CPED1: variants seen among roughly 807,000 people sequenced by gnomAD.
CPED1 encodes cadherin like and PC-esterase domain containing 1.
CPED1 carries 114 observed loss-of-function variants against 128.2 expected under a neutral mutation model. The ratio of observed to expected loss-of-function variants is 0.89; its 90% CI spans 0.76 to 1.04. The LOEUF is 1.04. CPED1 is among the 50% of genes least tolerant of loss of function. The probability of loss-of-function intolerance (pLI) is 0.00; values close to 1 mark genes in which losing one functional copy is unlikely to be tolerated. For synonymous variants in CPED1, 462 were observed against 426.7 expected, an observed-to-expected ratio of 1.08 and a Z score of -1.02; for missense variants, 1,211 against 1,207.1, an observed-to-expected ratio of 1.00 and a Z score of -0.05.
chr7:121,207,713 G>T (rs1474798216), intron 16 of CPED1, among the ~76,000 whole-genome samples: 2 of 151,988 alleles, frequency 1.3e-5, no homozygotes, highest in Non-Finnish European at 2.9e-5. Context: ...GGTTTTTGAG[G>T]TCTTGGGGAA....
At chr7:121,089,667 A>G (rs933795040) in intron 5 of CPED1, among the ~76,000 whole-genome samples, 3 of 152,218 alleles carry the variant, frequency 2.0e-5, no homozygotes, top group African/African-American at 2.4e-5. Context: ...TTCCTGAGAA[A>G]AAAGTTTACT....
chr7:121,281,735 A>G (rs1792469097), intron 22 of CPED1, among the ~76,000 whole-genome samples: 4 of 152,148 alleles, frequency 2.6e-5, no homozygotes, highest in Admixed American at 2.6e-4. Context: ...TATTTAAAAT[A>G]TTTGTCTTTG....
chr7:121,227,162 G>C (rs964398337), intron 16 of CPED1, among the ~76,000 whole-genome samples: 1 of 152,014 alleles, frequency 6.6e-6, no homozygotes, highest in Non-Finnish European at 1.5e-5. Context: ...GGAACCCAGC[G>C]TTGGCCATAT....
Position 121,266,415 on chromosome 7 carries a change from A to C in CPED1, c.2499A>C (p.Thr833=). Residue 833 remains threonine, a synonymous_variant, in exon 19 of 23, where the codon ACA becomes ACC. Transcript: ENST00000310396. ...GGATAAGCCCTTCATTGAGACCAAC[A>C]TTTGAAAATGCACTTGAACACCTCT... ...QFWISPSLRP[T]FENALEHLLQ... 6.2e-7 allele frequency: 1 copy of C among 1,613,116 alleles called. No homozygotes were observed. Among genetic ancestry groups the C allele is most frequent in the Non-Finnish European group, 8.5e-7 (1 of 1,179,354 alleles).
chr7:121,046,278 G>C (rs538458890), intron 3 of CPED1, among the ~76,000 whole-genome samples: 1 of 152,166 alleles, frequency 6.6e-6, no homozygotes, highest in South Asian at 2.1e-4. Flanking sequence ...ACTGAACTCT[G>C]CTATGTATAA....
intron 5 of CPED1, among the ~76,000 whole-genome samples, chr7:121,074,837 A>G (rs1794081954): frequency 6.6e-6 from 1 of 152,178 alleles, no homozygotes; most frequent in Non-Finnish European, 1.5e-5. Flanking sequence ...CTCCACTCAC[A>G]TAAAAGCTGC....
At chr7:121,208,350 A>T (rs1276973197) in intron 16 of CPED1, among the ~76,000 whole-genome samples, 1 of 152,046 alleles carries the variant, frequency 6.6e-6, no homozygotes, top group Non-Finnish European at 1.5e-5. Context: ...AACTTATACT[A>T]TCTAATTCAC....
intron 2 of CPED1, among the ~76,000 whole-genome samples, chr7:120,994,925 T>C (rs917513256): frequency 2.6e-5 from 4 of 152,166 alleles, no homozygotes; most frequent in African/African-American, 9.7e-5. Flanking sequence ...AAAATGCCTC[T>C]TCTTCGCCAA....
intron 2 of CPED1, among the ~76,000 whole-genome samples, chr7:121,012,007 A>G (rs1374118776): frequency 2.6e-5 from 4 of 152,162 alleles, no homozygotes; most frequent in African/African-American, 9.7e-5. Context: ...ACAACCTCAT[A>G]TAGTAGGATT....
chr7:121,056,167 T>C (rs1343224138), intron 4 of CPED1, among the ~76,000 whole-genome samples: 4 of 152,172 alleles, frequency 2.6e-5, no homozygotes, highest in African/African-American at 9.6e-5. Context: ...TTAATATGTG[T>C]AGAAAAATAC....
At chr7:121,293,135 C>G (rs1191703072) in intron 22 of CPED1, among the ~76,000 whole-genome samples, 3 of 152,202 alleles carry the variant, frequency 2.0e-5, no homozygotes, top group Non-Finnish European at 4.4e-5. Flanking sequence ...CCCCTTCCCC[C>G]AGGTGCTCTG....
chr7:121,274,696 T>C (rs1176356272), intron 22 of CPED1, among the ~76,000 whole-genome samples: 1 of 152,154 alleles, frequency 6.6e-6, no homozygotes, highest in Non-Finnish European at 1.5e-5. Context: ...TTTGTACCCC[T>C]TGTACCTCAG....
At chr7:121,239,305 C>T (rs529471965) in intron 17 of CPED1, among the ~76,000 whole-genome samples, 1 of 151,918 alleles carries the variant, frequency 6.6e-6, no homozygotes, top group African/African-American at 2.4e-5. Flanking sequence ...ATACCATTTT[C>T]AATAACATCA....
intron 22 of CPED1, among the ~76,000 whole-genome samples, chr7:121,283,977 C>T (rs978455133): frequency 1.3e-5 from 2 of 152,186 alleles, no homozygotes; most frequent in African/African-American, 4.8e-5. Flanking sequence ...TCATAGAACT[C>T]AGTTACTCTC....
chr7:121,116,508 C>T (rs2116283217), intron 7 of CPED1, among the ~76,000 whole-genome samples: 1 of 152,204 alleles, frequency 6.6e-6, no homozygotes, highest in South Asian at 2.1e-4. Flanking sequence ...GGTAATTAGG[C>T]TACATAAATT....
At chr7:121,039,482 A>G (rs1792990550) in intron 3 of CPED1, among the ~76,000 whole-genome samples, 1 of 152,036 alleles carries the variant, frequency 6.6e-6, no homozygotes, top group Admixed American at 6.6e-5. Flanking sequence ...GGTATTATAA[A>G]CCAACATTTT....
In CPED1 at chr7:121,270,689, G is replaced by A. The variant is rs540018109; in HGVS notation, c.2722-595G>A. ...AGTTTGTTGAAATAAGTTGGTTATA[G>A]GTGCGGCTTTTTTCTGGGTTCTCTG... On this transcript the variant is annotated intron_variant, in intron 21 of 22. Coordinates refer to ENST00000310396, the MANE Select transcript of CPED1 (RefSeq NM_024913.5). Among the ~76,000 whole-genome samples, 27 of 152,064 alleles carry A rather than the reference G, an allele frequency of 1.8e-4. 1 individual carries two copies. The highest frequency in any genetic ancestry group is 1.8e-3 in the Admixed American group (27 of 15,260).
intron 16 of CPED1, among the ~76,000 whole-genome samples, chr7:121,190,098 G>GA (rs1346325708): frequency 6.6e-5 from 10 of 151,874 alleles, no homozygotes; most frequent in Non-Finnish European, 1.3e-4. Flanking sequence ...GTGCTCTGAA[G>GA]AAAAATTAAA....
In CPED1 at chr7:121,295,429, T is replaced by G; in HGVS notation, c.2869-11T>G. The G allele has an allele frequency of 6.2e-7, 1 of 1,604,766 alleles. No individual in the cohort carries two copies. Among genetic ancestry groups the G allele is most frequent in the Non-Finnish European group, 8.5e-7 (1 of 1,175,276 alleles). On this transcript the variant is annotated splice_polypyrimidine_tract_variant and intron_variant, in intron 22 of 22. Transcript: ENST00000310396. ...ATTTTGCCTCACAGTTTTCTTGCTCTTCATTTACAGGTAGTGAAATCAAAG... is the reference window on the plus strand; with the variant it reads ...ATTTTGCCTCACAGTTTTCTTGCTCGTCATTTACAGGTAGTGAAATCAAAG...
Sources: gnomAD v4.1 joint callset for allele counts (sites outside exome capture counted in the v4.1 genomes callset) on GRCh38, gnomAD v4.1.1 for gene constraint, MANE v1.5 for transcripts, NCBI Gene and HGNC (gene_info 2026-07-23, HGNC 2026-07-21) for gene names.